The following PAMR1 variants were observed in gnomAD, a reference collection of about 807,000 sequenced individuals.
PAMR1 encodes the protein inactive serine protease PAMR1.
Under a neutral mutation model 81.8 loss-of-function variants are expected in PAMR1, and 88 were observed. That is an observed-to-expected ratio of 1.08 (90% CI 0.91 to 1.28). The LOEUF (loss-of-function observed/expected upper bound fraction) is 1.28. Among genes scored for constraint, PAMR1 ranks in the 50% most tolerant of loss-of-function variants. The pLI, the probability that PAMR1 is intolerant of heterozygous loss-of-function variation, is 0.00. For synonymous variants in PAMR1, 336 were observed against 345.3 expected, an observed-to-expected ratio of 0.97 and a Z score of 0.30; for missense variants, 935 against 919.7, an observed-to-expected ratio of 1.02 and a Z score of -0.21.
chr11:35,478,260 T>G (rs1220025219), intron 3 of PAMR1, among the ~76,000 whole-genome samples: 1 of 152,170 alleles, frequency 6.6e-6, no homozygotes, highest in Non-Finnish European at 1.5e-5. Flanking sequence ...CAGGGTCTCT[T>G]GCAGTCTCTG....
intron 10 of PAMR1, among the ~76,000 whole-genome samples, chr11:35,433,760 AT>A: frequency 6.7e-6 from 1 of 150,364 alleles, no homozygotes; most frequent in Non-Finnish European, 1.5e-5. Flanking sequence ...GGATGGATGG[AT>A]GGATGGATAG....
At chr11:35,481,916 T>A (rs887822797) in intron 3 of PAMR1, among the ~76,000 whole-genome samples, 2 of 152,184 alleles carry the variant, frequency 1.3e-5, no homozygotes, top group Non-Finnish European at 2.9e-5. Context: ...TTTAACTTCC[T>A]TGTAGATTCT....
intron 6 of PAMR1, among the ~76,000 whole-genome samples, chr11:35,449,310 C>T (rs886082009): frequency 6.6e-6 from 1 of 151,822 alleles, no homozygotes; most frequent in Non-Finnish European, 1.5e-5. Context: ...ACCTCAGAGC[C>T]AGCAAGCAGG....
intron 1 of PAMR1, among the ~76,000 whole-genome samples, chr11:35,502,467 G>A (rs552651997): frequency 6.6e-6 from 1 of 152,126 alleles, no homozygotes; most frequent in African/African-American, 2.4e-5. Flanking sequence ...GTGTCCATGT[G>A]TTGTCATTTT....
intron 6 of PAMR1, among the ~76,000 whole-genome samples, chr11:35,461,134 C>G (rs539717168): frequency 6.6e-6 from 1 of 152,222 alleles, no homozygotes; most frequent in African/African-American, 2.4e-5. Context: ...TGAATTACCT[C>G]TTAACCCAGA....
In PAMR1 at chr11:35,468,090, CA is replaced by C; in HGVS notation, c.730del (p.Cys244ValfsTer50). 1 of 1,553,488 alleles carries C rather than the reference CA, an allele frequency of 6.4e-7. No homozygotes were observed. Among genetic ancestry groups the C allele is most frequent in the Non-Finnish European group, 8.7e-7 (1 of 1,147,506 alleles). ...EEITACSSSP[C>X]FHDGTCVLDK... ...AAGGACGCACGTGCCGTCATGGAAA[CA>C]AGGGGATGAGGAGCATGCTGTAAGA... On this transcript the variant is annotated frameshift_variant, in exon 6 of 11. Coordinates refer to ENST00000619888, the MANE Select transcript of PAMR1 (RefSeq NM_001001991.3). LOFTEE classifies it high-confidence loss of function.
At position 35,432,881 on chromosome 11, in the gene PAMR1, G is replaced by A; in HGVS notation, c.1638C>T (p.Ile546=). Reference sequence around the variant, plus strand: ...TGGGGTCATAGTTGGGATGCAGAATGATAGCAGAAATCTACAAATGCAAGG... The same window carrying A: ...TGGGGTCATAGTTGGGATGCAGAATAATAGCAGAAATCTACAAATGCAAGG... ...KTIQSLQISA[I]ILHPNYDPIL... The change falls in exon 11 of 11, where the codon ATC becomes ATT. Residue 546 remains isoleucine, a synonymous_variant. Coordinates refer to ENST00000619888, the MANE Select transcript of PAMR1 (RefSeq NM_001001991.3). The A allele has an allele frequency of 6.3e-7, 1 of 1,577,716 alleles. No individual in the cohort carries two copies. Among genetic ancestry groups the A allele is most frequent in the East Asian group, 2.2e-5 (1 of 44,546 alleles).
chr11:35,528,340 A>ATC (rs1372409502), upstream of PAMR1, among the ~76,000 whole-genome samples: 1 of 152,200 alleles, frequency 6.6e-6, no homozygotes, highest in Non-Finnish European at 1.5e-5. Flanking sequence ...GCCCAGAGGA[A>ATC]TCTACATACC....
intron 4 of PAMR1, among the ~76,000 whole-genome samples, chr11:35,472,844 G>A (rs1394932795): frequency 2.0e-5 from 3 of 152,210 alleles, no homozygotes; most frequent in Admixed American, 6.5e-5. Flanking sequence ...GGCAGCCTGC[G>A]ATAGATCTTG....
intron 3 of PAMR1, among the ~76,000 whole-genome samples, chr11:35,478,121 G>A (rs1850316458): frequency 6.6e-6 from 1 of 152,166 alleles, no homozygotes; most frequent in Admixed American, 6.5e-5. Flanking sequence ...CCTGCTCCCA[G>A]TTTCTTCTCT....
intron 3 of PAMR1, among the ~76,000 whole-genome samples, chr11:35,484,536 A>T (rs1344397206): frequency 1.3e-5 from 2 of 152,202 alleles, no homozygotes; most frequent in Non-Finnish European, 2.9e-5. Context: ...GCTCTTAATC[A>T]TTCCTACTTA....
At chr11:35,437,802 A>G (rs1305002542) in intron 8 of PAMR1, among the ~76,000 whole-genome samples, 2 of 152,260 alleles carry the variant, frequency 1.3e-5, no homozygotes, top group Admixed American at 1.3e-4. Flanking sequence ...TTTGGGAAGA[A>G]CAGGTTGATC....
rs576806535 is a variant in PAMR1, at chr11:35,432,198, T to G, written c.*158A>C. ...GGCATCAGCCTACCAGCAATGGAGG[T>G]CTACTCACCCTTCACTGAGTTTTGT... On this transcript the variant is annotated 3_prime_UTR_variant, in exon 11 of 11. Transcript: ENST00000619888. 1 of 642,346 alleles carries G rather than the reference T, an allele frequency of 1.6e-6. No individual in the cohort carries two copies. The highest frequency in any genetic ancestry group is 2.7e-6 in the Non-Finnish European group (1 of 371,924). The allele number at this position is 642,346 out of a possible 1,614,324, so 39.8% of individuals were successfully genotyped here.
intron 1 of PAMR1, among the ~76,000 whole-genome samples, chr11:35,511,407 T>C (rs1020153415): frequency 6.6e-5 from 10 of 152,218 alleles, no homozygotes; most frequent in African/African-American, 2.2e-4. Flanking sequence ...ACTCTGAGGA[T>C]TCTGTACAAA....
chr11:35,461,440 C>T (rs1856652897), intron 6 of PAMR1, among the ~76,000 whole-genome samples: 1 of 151,942 alleles, frequency 6.6e-6, no homozygotes, highest in Admixed American at 6.6e-5. Flanking sequence ...CAAAATACAC[C>T]CCTTATGTCA....
chr11:35,434,146 C>T (rs1855980311), intron 10 of PAMR1, among the ~76,000 whole-genome samples: 1 of 152,090 alleles, frequency 6.6e-6, no homozygotes, highest in Non-Finnish European at 1.5e-5. Context: ...CAGGCAGAGC[C>T]AGCCATTAAA....
At chr11:35,438,667 C>T (rs1190504828) in intron 8 of PAMR1, among the ~76,000 whole-genome samples, 7 of 152,136 alleles carry the variant, frequency 4.6e-5, no homozygotes, top group South Asian at 2.1e-4. Context: ...TGTTCCTGCA[C>T]GTGTAACTTT....
At chr11:35,529,708 C>T (rs548642822), upstream of PAMR1, among the ~76,000 whole-genome samples, 2 of 152,292 alleles carry the variant, frequency 1.3e-5, no homozygotes, top group Non-Finnish European at 2.9e-5. Context: ...CCCCCTCTGC[C>T]CTCACCTCCT....
chr11:35,432,346 T>A lies in PAMR1; in HGVS notation c.*10A>T. The A allele has an allele frequency of 6.2e-7, 1 of 1,604,914 alleles. No homozygotes were observed. The highest frequency in any genetic ancestry group is 8.5e-7 in the Non-Finnish European group (1 of 1,177,940). On this transcript the variant is annotated 3_prime_UTR_variant, in exon 11 of 11. Transcript: ENST00000619888. The stretch of plus-strand genomic sequence containing the variant: ...ACAGAAACACTTCTCAAGGAGTGCA[T>A]GAGCATGGTTCATTTCATATTTCTT...
Sources: gnomAD v4.1 joint callset for allele counts (sites outside exome capture counted in the v4.1 genomes callset) on GRCh38, gnomAD v4.1.1 for gene constraint, MANE v1.5 for transcripts, NCBI Gene and HGNC (gene_info 2026-07-23, HGNC 2026-07-21) for gene names.